Variants in EYS observed in about 807,000 individuals in gnomAD.
EYS encodes protein eyes shut homolog.
Under a neutral mutation model 282.1 loss-of-function variants are expected in EYS, and 250 were observed. The ratio of observed to expected loss-of-function variants is 0.89; its 90% CI spans 0.80 to 0.98. The LOEUF (loss-of-function observed/expected upper bound fraction) is 0.98. EYS is among the 50% of genes least tolerant of loss of function. The pLI is 0.00. For missense variants in EYS, 4,016 were observed against 3,709.0 expected, an observed-to-expected ratio of 1.08 and a Z score of -2.15; for synonymous variants, 1,355 against 1,282.9, an observed-to-expected ratio of 1.06 and a Z score of -1.20.
chr6:65,532,176 AAATT>A (rs1205531621), intron 2 of EYS, among the ~76,000 whole-genome samples: 2 of 152,106 alleles, frequency 1.3e-5, no homozygotes, highest in African/African-American at 4.8e-5. Flanking sequence ...ACTACCTGCT[AAATT>A]ATATATAATC....
chr6:64,178,697 T>C (rs1214494597), intron 31 of EYS, among the ~76,000 whole-genome samples: 1 of 151,980 alleles, frequency 6.6e-6, no homozygotes, highest in African/African-American at 2.4e-5. Flanking sequence ...TTTTTAGCAT[T>C]GCCAGGAGGA....
chr6:63,930,769 G>A (rs919221973), intron 35 of EYS, among the ~76,000 whole-genome samples: 7 of 152,102 alleles, frequency 4.6e-5, no homozygotes, highest in Non-Finnish European at 1.0e-4. Context: ...GGAAAGTGGT[G>A]AGTGTTCTCG....
chr6:63,820,654 C>T (rs1771297542), intron 36 of EYS, among the ~76,000 whole-genome samples: 1 of 152,010 alleles, frequency 6.6e-6, no homozygotes, highest in South Asian at 2.1e-4. Context: ...TGTTTTCTTC[C>T]AGTGGAGAAT....
intron 34 of EYS, among the ~76,000 whole-genome samples, chr6:63,995,490 G>T (rs905293907): frequency 1.3e-5 from 2 of 152,004 alleles, no homozygotes; most frequent in Non-Finnish European, 2.9e-5. Flanking sequence ...AAAACAGTAT[G>T]GGGGTTTCTC....
At chr6:65,686,554 A>G (rs989989861) in intron 1 of EYS, among the ~76,000 whole-genome samples, 3 of 152,160 alleles carry the variant, frequency 2.0e-5, no homozygotes, top group Non-Finnish European at 2.9e-5. Flanking sequence ...ACACACATAT[A>G]TAACATATGC....
intron 31 of EYS, among the ~76,000 whole-genome samples, chr6:64,146,645 T>C (rs1243043650): frequency 6.6e-6 from 1 of 152,082 alleles, no homozygotes; most frequent in African/African-American, 2.4e-5. Flanking sequence ...TCAAAATCAG[T>C]CTAAATAATA....
intron 12 of EYS, among the ~76,000 whole-genome samples, chr6:65,200,901 A>G (rs182354404): frequency 2.0e-5 from 3 of 152,260 alleles, no homozygotes; most frequent in Admixed American, 6.5e-5. Flanking sequence ...ACTGTAATTC[A>G]TTTTGCCTGA....
chr6:64,873,729 G>A (rs1583246460), intron 19 of EYS, among the ~76,000 whole-genome samples: 1 of 152,000 alleles, frequency 6.6e-6, no homozygotes, highest in Admixed American at 6.6e-5. Context: ...TGGGGAGATG[G>A]ATATGTTCAT....
intron 22 of EYS, among the ~76,000 whole-genome samples, chr6:64,653,615 A>G (rs2149880298): frequency 6.6e-6 from 1 of 152,108 alleles, no homozygotes; most frequent in African/African-American, 2.4e-5. Context: ...CCCAGGCTGG[A>G]AGGCAGTGGC....
At chr6:65,442,943 T>A (rs1768419164) in intron 5 of EYS, among the ~76,000 whole-genome samples, 2 of 151,410 alleles carry the variant, frequency 1.3e-5, no homozygotes, top group African/African-American at 4.8e-5. Context: ...TATATACGTA[T>A]ATACATGCAC....
Position 63,892,235 on chromosome 6 carries a change from A to G in EYS, c.7056-27877T>C, listed in dbSNP as rs146197329. Among the ~76,000 whole-genome samples the G allele has an allele frequency of 7.6e-3, 1,160 of 152,308 alleles. 19 individuals carry two copies. The highest frequency in any genetic ancestry group is 0.026 in the African/African-American group (1,088 of 41,570). On this transcript the variant is annotated intron_variant, in intron 35 of 42. Transcript: ENST00000503581. ...ACAGAATTAGAAAAACCTACTTTAA[A>G]TTTCATATGGAACCAAAAAAGAGCC...
At chr6:65,423,416 TG>T (rs1290273793) in intron 5 of EYS, among the ~76,000 whole-genome samples, 30 of 152,008 alleles carry the variant, frequency 2.0e-4, no homozygotes, top group African/African-American at 7.2e-4. Flanking sequence ...TGTTTTTAGC[TG>T]TTTGCTTGTG....
At chr6:65,026,427 T>TC (rs1772409797) in intron 13 of EYS, among the ~76,000 whole-genome samples, 1 of 151,896 alleles carries the variant, frequency 6.6e-6, no homozygotes, top group Non-Finnish European at 1.5e-5. Context: ...AAGGGACTCA[T>TC]GAAAAAAAGA....
Position 65,456,427 on chromosome 6 carries a change from C to T in EYS, c.862+34167G>A, listed in dbSNP as rs188341074. On this transcript the variant is annotated intron_variant, in intron 5 of 42. Coordinates refer to ENST00000503581, the MANE Select transcript of EYS (RefSeq NM_001142800.2). ...ATCACACCACTGCACTCCAGCCTAG[C>T]GACAGAGTGAGACTCTGTCTCAAAA... Among the ~76,000 whole-genome samples the T allele has an allele frequency of 6.0e-5, 9 of 148,940 alleles. No individual in the cohort carries two copies. In the East Asian group the frequency reaches 8.0e-4, roughly 13 times the overall value.
At chr6:64,845,990 C>T (rs1344528302) in intron 19 of EYS, among the ~76,000 whole-genome samples, 2 of 152,026 alleles carry the variant, frequency 1.3e-5, no homozygotes, top group African/African-American at 4.8e-5. Context: ...CTAAGAAACT[C>T]TTCTTTTGTT....
At chr6:65,235,409 C>CATA (rs144550253) in intron 12 of EYS, among the ~76,000 whole-genome samples, 50,465 of 151,682 alleles carry the variant, frequency 0.33, 9,633 homozygotes, top group African/African-American at 0.53. Context: ...GGATAAACTG[C>CATA]ATAAGACACA....
In EYS at chr6:65,378,863, A is replaced by G. The variant is rs558562734; in HGVS notation, c.1299+5523T>C. ...AACACATGGAGACAGGGAGGGGAACATCACACACCGGGGCCTGTCAGGGGG... is the reference window on the plus strand; with the variant it reads ...AACACATGGAGACAGGGAGGGGAACGTCACACACCGGGGCCTGTCAGGGGG... On this transcript the variant is annotated intron_variant, in intron 8 of 42. Transcript: ENST00000503581. Among the ~76,000 whole-genome samples the G allele has an allele frequency of 1.4e-4, 21 of 152,136 alleles. 1 individual carries two copies. Among genetic ancestry groups the G allele is most frequent in the Admixed American group, 1.2e-3 (18 of 15,264 alleles).
chr6:63,819,871 T>G (rs1771276618), intron 36 of EYS, among the ~76,000 whole-genome samples: 1 of 152,180 alleles, frequency 6.6e-6, no homozygotes, highest in Non-Finnish European at 1.5e-5. Context: ...AATCCCATGA[T>G]GTAATCAACC....
intron 31 of EYS, among the ~76,000 whole-genome samples, chr6:64,099,034 A>C (rs771261748): frequency 1.2e-4 from 19 of 152,334 alleles, no homozygotes; most frequent in Middle Eastern, 3.4e-3. Flanking sequence ...ATTAGAGAAC[A>C]CTTATAAGGC....
Sources: gnomAD v4.1 joint callset for allele counts (sites outside exome capture counted in the v4.1 genomes callset) on GRCh38, gnomAD v4.1.1 for gene constraint, MANE v1.5 for transcripts, NCBI Gene and HGNC (gene_info 2026-07-23, HGNC 2026-07-21) for gene names.